LMBRD2: variants seen among roughly 807,000 people sequenced by gnomAD.
LMBRD2 encodes LMBR1 domain containing 2, also known as G protein-coupled receptor-associated protein LMBRD2.
A neutral mutation model predicts 94.4 loss-of-function variants in LMBRD2; 55 were observed. That is an observed-to-expected ratio of 0.58 (90% CI 0.47 to 0.73). LMBRD2 has a LOEUF of 0.73. Ranked by LOEUF, LMBRD2 falls within the 30% of genes least tolerant of loss-of-function variation. The pLI is 0.00. For missense variants in LMBRD2, 640 were observed against 831.9 expected (o/e 0.77, Z 2.84); for synonymous variants, 246 against 272.4 (o/e 0.90, Z 0.95).
chr5:36,104,189 G>A (rs1743412065), intron 17 of LMBRD2, 83 bp from the exon 18 acceptor site: 10 of 1,072,738 alleles, frequency 9.3e-6, no homozygotes, highest in African/African-American at 1.6e-5. Flanking sequence ...TTAAAAGGGA[G>A]TGGCCATATA....
chr5:36,119,495 T>A (rs957206689), intron 9 of LMBRD2, among the ~76,000 whole-genome samples: 2 of 152,194 alleles, frequency 1.3e-5, no homozygotes, highest in African/African-American at 4.8e-5. Context: ...TCCCACTTAC[T>A]TTGCCCCATT....
chr5:36,144,192 G>C (rs529665197), intron 1 of LMBRD2, among the ~76,000 whole-genome samples: 1 of 152,156 alleles, frequency 6.6e-6, no homozygotes, highest in Admixed American at 6.5e-5. Context: ...AAAAGTTAGA[G>C]TATAGAGATT....
rs1744460117 is a variant in LMBRD2, at chr5:36,143,232, G to T, written c.118C>A (p.Leu40Ile). Residue 40 changes from leucine (L) to isoleucine (I), a missense_variant, in exon 2 of 18, where the codon CTT (leucine) becomes ATT (isoleucine). By Grantham distance (5) the Leu-to-Ile change is conservative. Around this residue, in one of 2 missense-constraint regions of LMBRD2, gnomAD observed 457 missense variants for 642.8 expected, o/e 0.71. Transcript: ENST00000296603. ...ATAAGAAAGCAGAGATACCAAGCAA[G>T]CAGTGTTCCAATAATCACAAGTCTA... ...QHRLVIIGTL[L>I]AWYLCFLIVF... 26 of 1,612,762 alleles carry T rather than the reference G, an allele frequency of 1.6e-5. No homozygotes were observed. Among genetic ancestry groups the T allele is most frequent in the Non-Finnish European group, 2.1e-5 (25 of 1,178,904 alleles).
At chr5:36,130,560 C>G (rs1321303822) in intron 6 of LMBRD2, among the ~76,000 whole-genome samples, 1 of 152,046 alleles carries the variant, frequency 6.6e-6, no homozygotes, top group African/African-American at 2.4e-5. Flanking sequence ...AACAGAATGG[C>G]AGGAGTAAGT....
At chr5:36,150,789 C>A (rs1002721400) in intron 1 of LMBRD2, among the ~76,000 whole-genome samples, 9 of 152,178 alleles carry the variant, frequency 5.9e-5, no homozygotes, top group Non-Finnish European at 1.2e-4. Context: ...TCATGAATTC[C>A]TTCCTCAAGA....
intron 6 of LMBRD2, 21 bp downstream of exon 6, chr5:36,136,288 A>G (rs756114241): frequency 3.1e-6 from 5 of 1,609,406 alleles, no homozygotes; most frequent in Admixed American, 1.7e-5. Context: ...ACTATTGCTT[A>G]TAAGGTTCAA....
intron 11 of LMBRD2, among the ~76,000 whole-genome samples, chr5:36,115,396 T>TTGTATCATCTCCTA (rs1451206432): frequency 1.3e-5 from 2 of 152,296 alleles, no homozygotes; most frequent in East Asian, 3.9e-4. Flanking sequence ...TGGAGTGCCT[T>TTGTATCATCTCCTA]TGTATCATCT....
intron 1 of LMBRD2, among the ~76,000 whole-genome samples, chr5:36,148,968 T>C (rs756266208): frequency 6.6e-6 from 1 of 152,240 alleles, no homozygotes; most frequent in Non-Finnish European, 1.5e-5. Context: ...TTACAGATTA[T>C]ACTACTATTA....
At position 36,103,823 on chromosome 5, in the gene LMBRD2, G is replaced by A. The variant is rs552328207; in HGVS notation, c.*223C>T. ...CCACTGTAACTGTATTTCTAAGGCA[G>A]ATGCTTAGGAAATGATATGTAATAA... On this transcript the variant is annotated 3_prime_UTR_variant, in exon 18 of 18. Transcript: ENST00000296603. 8.7e-6 allele frequency: 3 copies of A among 346,410 alleles called. No homozygotes were observed. In the South Asian group the frequency reaches 1.5e-4, roughly 18 times the overall value. 21.5% of individuals were successfully genotyped at this position (346,410 alleles called of 1,614,324 possible).
At position 36,116,719 on chromosome 5, in the gene LMBRD2, C is replaced by G. The variant is rs542270320; in HGVS notation, c.1303-126G>C. 2.6e-5 allele frequency: 23 copies of G among 877,618 alleles called. No individual in the cohort carries two copies. In the African/African-American group the frequency reaches 3.7e-4, roughly 14 times the overall value. The allele number at this position is 877,618 out of a possible 1,614,324, so 54.4% of individuals were successfully genotyped here. A position where few individuals can be genotyped will look rare whatever the true frequency, so the allele number is the denominator to read the frequency against. On this transcript the variant is annotated intron_variant, in intron 10 of 17. Transcript: ENST00000296603. ...TGAGATGGAGTCTCGCCCTGTCACC[C>G]AGGCTGGAGTGCAGTGGCGCGATCT...
chr5:36,116,336 TA>T (rs1340984595), intron 11 of LMBRD2, 123 bp downstream of exon 11: 1 of 888,324 alleles, frequency 1.1e-6, no homozygotes, highest in Non-Finnish European at 1.8e-6. Flanking sequence ...TATTTGAAAC[TA>T]ATCAATTAGC....
At chr5:36,147,828 C>A in intron 1 of LMBRD2, 1 of 395,460 alleles carries the variant, frequency 2.5e-6, no homozygotes, top group African/African-American at 2.2e-5. Flanking sequence ...ACCAAGTGAT[C>A]AGAACACAAA....
chr5:36,101,082 G>A lies in LMBRD2; in HGVS notation c.*2964C>T, dbSNP rs1743337274. Reference sequence around the variant, plus strand: ...TATTCTTTATAAAGGGAAAACCCTTGAATCTTTTGATTTAGTTCTTACCAT... The same window carrying A: ...TATTCTTTATAAAGGGAAAACCCTTAAATCTTTTGATTTAGTTCTTACCAT... On this transcript the variant is annotated 3_prime_UTR_variant, in exon 18 of 18. Coordinates refer to ENST00000296603, the MANE Select transcript of LMBRD2 (RefSeq NM_001007527.2). 1 of 151,864 alleles carries A rather than the reference G, an allele frequency of 6.6e-6. No homozygotes were observed. Among genetic ancestry groups the A allele is most frequent in the Non-Finnish European group, 1.5e-5 (1 of 67,854 alleles). The allele number at this position is 151,864 out of a possible 1,614,324, so 9.4% of individuals were successfully genotyped here.
At chr5:36,112,559 T>C (rs1743637246) in intron 13 of LMBRD2, among the ~76,000 whole-genome samples, 2 of 152,234 alleles carry the variant, frequency 1.3e-5, no homozygotes, top group Non-Finnish European at 2.9e-5. Flanking sequence ...AGATCTATTT[T>C]GTGAGTTAAT....
intron 13 of LMBRD2, among the ~76,000 whole-genome samples, chr5:36,112,291 G>A (rs983538688): frequency 1.2e-4 from 18 of 151,858 alleles, no homozygotes; most frequent in African/African-American, 4.4e-4. Flanking sequence ...TATCCTTATG[G>A]GAGTACTATA....
chr5:36,148,077 A>G (rs75987220), intron 1 of LMBRD2: 4,961 of 205,664 alleles, frequency 0.024, 279 homozygotes, highest in African/African-American at 0.11. Context: ...TGAAAAATCA[A>G]AAGAACCAGA....
intron 7 of LMBRD2, among the ~76,000 whole-genome samples, chr5:36,123,383 T>TTC (rs1165431711): frequency 6.6e-6 from 1 of 152,140 alleles, no homozygotes; most frequent in Non-Finnish European, 1.5e-5. Flanking sequence ...TAAAGTCATC[T>TTC]TCCATACTAC....
chr5:36,119,630 C>G (rs1030314793), intron 9 of LMBRD2, among the ~76,000 whole-genome samples: 1 of 152,188 alleles, frequency 6.6e-6, no homozygotes, highest in East Asian at 1.9e-4. Context: ...TGACTGGCCT[C>G]ACTTTAAATT....
In LMBRD2 at chr5:36,100,309, C is replaced by A. The variant is rs1483009252; in HGVS notation, c.*3737G>T. On this transcript the variant is annotated 3_prime_UTR_variant, in exon 18 of 18. Coordinates refer to ENST00000296603, the MANE Select transcript of LMBRD2 (RefSeq NM_001007527.2). ...GTCCTCTTTAGTGACCTAAAAGATA[C>A]ACTGAGCCAGCATACTTTACATTTG... 1.3e-5 allele frequency: 2 copies of A among 152,104 alleles called. No homozygotes were observed. The highest frequency in any genetic ancestry group is 3.9e-4 in the East Asian group (2 of 5,182). The allele number at this position is 152,104 out of a possible 1,614,324, so 9.4% of individuals were successfully genotyped here. A position where few individuals can be genotyped will look rare whatever the true frequency, so the allele number is the denominator to read the frequency against.
Sources: allele counts gnomAD v4.1 joint callset (sites outside exome capture counted in the v4.1 genomes callset), GRCh38; gene constraint gnomAD v4.1.1; regional missense constraint gnomAD v4.1.1; transcripts MANE v1.5; gene names NCBI Gene and HGNC (gene_info 2026-07-23, HGNC 2026-07-21).